Variants in TCERG1L observed in about 807,000 individuals in gnomAD.
TCERG1L encodes transcription elongation regulator 1-like protein.
Under a neutral mutation model 56.3 loss-of-function variants are expected in TCERG1L, and 37 were observed. The observed-to-expected ratio is 0.66, with a 90% CI of 0.51 to 0.87. TCERG1L has a LOEUF of 0.87. Ranked by LOEUF, TCERG1L falls within the 40% of genes least tolerant of loss-of-function variation. The probability of loss-of-function intolerance (pLI) is 0.00; values close to 1 mark genes in which losing one functional copy is unlikely to be tolerated. For missense variants in TCERG1L, 799 were observed against 774.2 expected, an observed-to-expected ratio of 1.03 and a Z score of -0.38; for synonymous variants, 324 against 326.3, an observed-to-expected ratio of 0.99 and a Z score of 0.08.
At chr10:131,168,238 G>A (rs997910184) in intron 4 of TCERG1L, among the ~76,000 whole-genome samples, 1 of 152,226 alleles carries the variant, frequency 6.6e-6, no homozygotes, top group Admixed American at 6.5e-5. Flanking sequence ...GTCTGTGCTT[G>A]AAGGGGGTGA....
chr10:131,121,703 C>A (rs924431486), intron 8 of TCERG1L, among the ~76,000 whole-genome samples: 2 of 151,462 alleles, frequency 1.3e-5, no homozygotes, highest in Non-Finnish European at 2.9e-5. Flanking sequence ...GGCACAGAGA[C>A]AGAGATGCCC....
chr10:131,254,025 G>A (rs1251800049), intron 4 of TCERG1L, among the ~76,000 whole-genome samples: 4 of 152,148 alleles, frequency 2.6e-5, no homozygotes, highest in African/African-American at 7.2e-5. Flanking sequence ...GGGAGGACTC[G>A]GGCCACGTGC....
intron 4 of TCERG1L, among the ~76,000 whole-genome samples, chr10:131,210,856 C>T (rs1422924508): frequency 1.3e-5 from 2 of 152,228 alleles, no homozygotes; most frequent in African/African-American, 2.4e-5. Context: ...GTACACAGTT[C>T]CCCATGTAAA....
At chr10:131,228,396 C>T (rs12761604) in intron 4 of TCERG1L, among the ~76,000 whole-genome samples, 1 of 7,554 alleles carries the variant, frequency 1.3e-4, no homozygotes, top group Admixed American at 1.1e-3. Context: ...TCACGAGTCT[C>T]CCCTCCAGAC....
intron 3 of TCERG1L, among the ~76,000 whole-genome samples, chr10:131,275,767 T>C (rs981352061): frequency 6.6e-5 from 10 of 152,234 alleles, no homozygotes; most frequent in African/African-American, 1.9e-4. Flanking sequence ...TGGATGGTTT[T>C]AAAGTAACTT....
intron 4 of TCERG1L, among the ~76,000 whole-genome samples, chr10:131,256,040 G>A (rs1013746307): frequency 1.3e-5 from 2 of 152,118 alleles, no homozygotes; most frequent in African/African-American, 4.8e-5. Context: ...TCCCGCACAC[G>A]CCAGATGAGT....
intron 4 of TCERG1L, among the ~76,000 whole-genome samples, chr10:131,257,170 T>C (rs1358752982): frequency 6.6e-6 from 1 of 152,086 alleles, no homozygotes; most frequent in East Asian, 1.9e-4. Context: ...AATTGCTGTG[T>C]TGGGTGCAGG....
chr10:131,153,553 C>G (rs1845887836), intron 6 of TCERG1L, among the ~76,000 whole-genome samples: 1 of 152,162 alleles, frequency 6.6e-6, no homozygotes, highest in African/African-American at 2.4e-5. Context: ...CCAAGCTTTG[C>G]TATTAACTTA....
At position 131,310,776 on chromosome 10, in the gene TCERG1L, C is replaced by T. The variant is rs573239419; in HGVS notation, c.342+518G>A. The stretch of plus-strand genomic sequence containing the variant: ...GAAGGCAGGATTTCCCGGCCACTTC[C>T]GTCGGTTGGAATTCTCTTAAGCATT... On this transcript the variant is annotated intron_variant, in intron 1 of 11. Coordinates refer to ENST00000368642, the MANE Select transcript of TCERG1L (RefSeq NM_174937.4). Among the ~76,000 whole-genome samples the T allele has an allele frequency of 6.8e-4, 103 of 152,308 alleles. 1 individual carries two copies. Among genetic ancestry groups the T allele is most frequent in the African/African-American group, 2.2e-3 (92 of 41,568 alleles).
intron 4 of TCERG1L, among the ~76,000 whole-genome samples, chr10:131,177,067 GAC>G (rs1554890344): frequency 1.4e-5 from 2 of 142,570 alleles, no homozygotes; most frequent in African/African-American, 5.2e-5. Context: ...TACACACACA[GAC>G]ACATACACAC....
chr10:131,295,294 T>C (rs995479833), intron 3 of TCERG1L, among the ~76,000 whole-genome samples: 1 of 152,198 alleles, frequency 6.6e-6, no homozygotes, highest in Admixed American at 6.5e-5. Context: ...CATCTTTTTA[T>C]GTTTCTAGGA....
In TCERG1L at chr10:131,097,219, A is replaced by G. The variant is rs957094505; in HGVS notation, c.1604+1087T>C. 7.1e-4 allele frequency among the ~76,000 whole-genome samples: 108 copies of G among 151,576 alleles called. 1 individual carries two copies. The highest frequency in any genetic ancestry group is 2.4e-3 in the African/African-American group (98 of 41,322). On this transcript the variant is annotated intron_variant, in intron 11 of 11. Coordinates refer to ENST00000368642, the MANE Select transcript of TCERG1L (RefSeq NM_174937.4). ...CTGTCTCAAAAAAAAAAAAAAAAAAAAAAGAAACAAACAAAAAACTGATGC... is the reference window on the plus strand; with the variant it reads ...CTGTCTCAAAAAAAAAAAAAAAAAAGAAAGAAACAAACAAAAAACTGATGC...
At chr10:131,276,106 C>T (rs753603863) in intron 3 of TCERG1L, among the ~76,000 whole-genome samples, 2 of 152,158 alleles carry the variant, frequency 1.3e-5, no homozygotes, top group African/African-American at 4.8e-5. Context: ...CATTCTCCTC[C>T]TGAAAGATCT....
At position 131,186,091 on chromosome 10, in the gene TCERG1L, T is replaced by TA. The variant is rs1845240437; in HGVS notation, c.857-19207dup. 2.0e-5 allele frequency among the ~76,000 whole-genome samples: 3 copies of TA among 152,254 alleles called. No individual in the cohort carries two copies. The South Asian group carries it at 6.2e-4, about 32-fold the overall frequency. On this transcript the variant is annotated intron_variant, in intron 4 of 11. Transcript: ENST00000368642. ...GAACCCCGAAGACATTATCTTAAGT[T>TA]AGAAAAGCCAGACACAAAAGGTCAC... is the stretch of plus-strand genomic sequence containing the variant.
chr10:131,274,991 G>A (rs1261119415), intron 3 of TCERG1L, among the ~76,000 whole-genome samples: 3 of 152,130 alleles, frequency 2.0e-5, no homozygotes, highest in Non-Finnish European at 4.4e-5. Flanking sequence ...CACATTATAT[G>A]ACTGATGCTG....
Position 131,100,739 on chromosome 10 carries a change from T to C in TCERG1L, c.1486-2315A>G, listed in dbSNP as rs565509663. Among the ~76,000 whole-genome samples, 15 of 152,358 alleles carry C rather than the reference T, an allele frequency of 9.8e-5. No individual in the cohort carries two copies. The South Asian group carries it at 2.3e-3, about 23-fold the overall frequency. The stretch of plus-strand genomic sequence containing the variant: ...ACACCAGGGGCCTTAGCTTTCCCCA[T>C]GAAAACGCTGTGTGACACCAGGTCC... On this transcript the variant is annotated intron_variant, in intron 10 of 11. Transcript: ENST00000368642.
At chr10:131,236,483 CCCT>C (rs1474437596) in intron 4 of TCERG1L, among the ~76,000 whole-genome samples, 1 of 152,180 alleles carries the variant, frequency 6.6e-6, no homozygotes, top group Non-Finnish European at 1.5e-5. Flanking sequence ...GGTCACCGTG[CCCT>C]GTGGCTACCG....
rs1445907278 is a variant in TCERG1L, at chr10:131,119,127, C to T, written c.1260-2193G>A. On this transcript the variant is annotated intron_variant, in intron 8 of 11. Transcript: ENST00000368642. ...TGGCCAGACCCGGCCGTCCAGGCCT[C>T]CCAACACCTGCCAAGTGAGAAGTGT... Among the ~76,000 whole-genome samples, 2 of 152,094 alleles carry T rather than the reference C, an allele frequency of 1.3e-5. 1 individual carries two copies. Among genetic ancestry groups the T allele is most frequent in the South Asian group, 4.2e-4 (2 of 4,818 alleles).
chr10:131,130,071 G>A (rs1473505618), intron 8 of TCERG1L, among the ~76,000 whole-genome samples: 1 of 148,388 alleles, frequency 6.7e-6, no homozygotes, highest in Non-Finnish European at 1.5e-5. Context: ...AGACATATCC[G>A]AGACTGGGTG....
Sources: gnomAD v4.1 joint callset for allele counts (sites outside exome capture counted in the v4.1 genomes callset) on GRCh38, gnomAD v4.1.1 for gene constraint, MANE v1.5 for transcripts, NCBI Gene and HGNC (gene_info 2026-07-23, HGNC 2026-07-21) for gene names.